The following PPM1D variants were observed in gnomAD, a reference collection of about 807,000 sequenced individuals.
PPM1D encodes protein phosphatase 1D.
PPM1D carries 52 observed loss-of-function variants against 58.3 expected under a neutral mutation model. That is an observed-to-expected ratio of 0.89 (90% CI 0.71 to 1.12). PPM1D has a LOEUF of 1.12. Ranked by LOEUF, PPM1D falls within the 50% of genes most tolerant of loss-of-function variation. PPM1D has a pLI of 0.00. For missense variants in PPM1D, 564 were observed against 777.2 expected, an observed-to-expected ratio of 0.73 and a Z score of 3.26; for synonymous variants, 278 against 285.1, an observed-to-expected ratio of 0.98 and a Z score of 0.25.
Position 60,666,060 on chromosome 17 carries a change from G to A in PPM1D, c.*2508G>A, listed in dbSNP as rs2031612065. The A allele has an allele frequency of 6.6e-6, 1 of 152,160 alleles. No homozygotes were observed. The highest frequency in any genetic ancestry group is 1.5e-5 in the Non-Finnish European group (1 of 68,026). The allele number at this position is 152,160 out of a possible 1,614,324, so 9.4% of individuals were successfully genotyped here. ...TTCTAGGAGGTGGGCATTTTTAAGT[G>A]TCATCTGGAAGGAGGCTGTCACAAC... is the stretch of plus-strand genomic sequence containing the variant. On this transcript the variant is annotated 3_prime_UTR_variant, in exon 6 of 6. Transcript: ENST00000305921.
intron 1 of PPM1D, among the ~76,000 whole-genome samples, chr17:60,614,124 C>A (rs994935723): frequency 8.6e-5 from 13 of 152,036 alleles, no homozygotes; most frequent in African/African-American, 2.9e-4. Flanking sequence ...ACTTGGAGAA[C>A]CTTTATGTCT....
At chr17:60,605,474 G>T (rs1312593814) in intron 1 of PPM1D, among the ~76,000 whole-genome samples, 4 of 152,286 alleles carry the variant, frequency 2.6e-5, no homozygotes, top group Non-Finnish European at 2.9e-5. Flanking sequence ...ATAATACCTT[G>T]CCCAAAGTAG....
At chr17:60,631,464 C>T (rs1423386928) in intron 2 of PPM1D, among the ~76,000 whole-genome samples, 1 of 152,002 alleles carries the variant, frequency 6.6e-6, no homozygotes, top group Non-Finnish European at 1.5e-5. Flanking sequence ...TATGGTTAAA[C>T]CCCGTCTCTA....
chr17:60,657,621 G>A (rs372651896), intron 5 of PPM1D, among the ~76,000 whole-genome samples: 2 of 152,174 alleles, frequency 1.3e-5, no homozygotes, highest in Admixed American at 6.5e-5. Context: ...AATTTTGGGC[G>A]TCGTAATCCT....
chr17:60,639,155 A>G (rs1387284943), intron 3 of PPM1D, among the ~76,000 whole-genome samples: 1 of 152,072 alleles, frequency 6.6e-6, no homozygotes, highest in Non-Finnish European at 1.5e-5. Context: ...TTTTCTTGTC[A>G]TCCAGGCTGG....
At chr17:60,627,795 T>C (rs1293421515) in intron 2 of PPM1D, among the ~76,000 whole-genome samples, 3 of 152,180 alleles carry the variant, frequency 2.0e-5, no homozygotes, top group Admixed American at 2.0e-4. Flanking sequence ...AATGATAGTT[T>C]CTTAAGGTAT....
intron 4 of PPM1D, among the ~76,000 whole-genome samples, chr17:60,648,485 C>T (rs1327627835): frequency 2.0e-5 from 3 of 149,998 alleles, no homozygotes; most frequent in East Asian, 2.0e-4. Context: ...CCTGAGTTCA[C>T]GCCGTTCTCC....
intron 1 of PPM1D, among the ~76,000 whole-genome samples, chr17:60,611,897 C>G (rs1174175443): frequency 6.6e-6 from 1 of 151,940 alleles, no homozygotes; most frequent in Admixed American, 6.6e-5. Context: ...CTATTGTGTT[C>G]TCTTCTAAGA....
chr17:60,622,909 C>T (rs963380091), intron 1 of PPM1D, among the ~76,000 whole-genome samples: 4 of 152,148 alleles, frequency 2.6e-5, no homozygotes, highest in Non-Finnish European at 5.9e-5. Flanking sequence ...CCAGCCTGAC[C>T]AACATGGCGA....
intron 4 of PPM1D, among the ~76,000 whole-genome samples, 175 bp from the exon 5 acceptor site, chr17:60,656,424 G>C (rs1033475526): frequency 1.3e-5 from 2 of 149,856 alleles, no homozygotes; most frequent in African/African-American, 4.9e-5. Context: ...CTGCACTTCA[G>C]CCTGGGTGAC....
intron 3 of PPM1D, among the ~76,000 whole-genome samples, chr17:60,645,456 A>ATC: frequency 8.1e-6 from 1 of 123,940 alleles, no homozygotes; most frequent in South Asian, 2.6e-4. Context: ...TAAAATATAT[A>ATC]TGTGTGTGTG....
intron 1 of PPM1D, among the ~76,000 whole-genome samples, chr17:60,606,548 C>T (rs530833873): frequency 6.6e-6 from 1 of 152,104 alleles, no homozygotes; most frequent in South Asian, 2.1e-4. Flanking sequence ...CATATTCTAA[C>T]GCTTGTTAAC....
chr17:60,624,074 CTT>C (rs1178475026), intron 2 of PPM1D, among the ~76,000 whole-genome samples: 1 of 152,152 alleles, frequency 6.6e-6, no homozygotes, highest in Non-Finnish European at 1.5e-5. Context: ...GAGTAGAACA[CTT>C]TGAATCTGGC....
chr17:60,613,102 C>G (rs1369108623), intron 1 of PPM1D, among the ~76,000 whole-genome samples: 1 of 152,092 alleles, frequency 6.6e-6, no homozygotes, highest in Non-Finnish European at 1.5e-5. Flanking sequence ...GTTGATATTC[C>G]ATTCAGTCTG....
chr17:60,637,783 T>C (rs1221449068), intron 3 of PPM1D, among the ~76,000 whole-genome samples: 3 of 151,788 alleles, frequency 2.0e-5, no homozygotes, highest in African/African-American at 7.3e-5. Context: ...TGGATTAAAA[T>C]TAAAAAAAAA....
chr17:60,658,203 T>A (rs1051516970), intron 5 of PPM1D, among the ~76,000 whole-genome samples: 1 of 152,194 alleles, frequency 6.6e-6, no homozygotes, highest in Non-Finnish European at 1.5e-5. Flanking sequence ...CATGTTCCCT[T>A]ATAACTGACC....
At chr17:60,615,952 A>G (rs184787177) in intron 1 of PPM1D, among the ~76,000 whole-genome samples, 70 of 152,194 alleles carry the variant, frequency 4.6e-4, no homozygotes, top group African/African-American at 1.3e-3. Context: ...CAGCCTCACA[A>G]GTAGCTGGGA....
intron 1 of PPM1D, among the ~76,000 whole-genome samples, chr17:60,621,209 C>T (rs1287115901): frequency 6.6e-6 from 1 of 152,248 alleles, no homozygotes; most frequent in East Asian, 1.9e-4. Context: ...ATGTGTGAGC[C>T]ACCGCATCCG....
rs2031446828 is a variant in PPM1D at position 60,656,752 on chromosome 17, T to C, written c.1171T>C (p.Leu391=). The C allele has an allele frequency of 6.2e-7, 1 of 1,614,026 alleles. No homozygotes were observed. The highest frequency in any genetic ancestry group is 8.5e-7 in the Non-Finnish European group (1 of 1,180,036). The change falls in exon 5 of 6, where the codon TTA becomes CTA. Residue 391 remains leucine (L), a synonymous_variant. Coordinates refer to ENST00000305921, the MANE Select transcript of PPM1D (RefSeq NM_003620.4). ...GGGAAACTTTACCAATGAAGATGAG[T>C]TATACCTGAACCTGACTGACAGCCC... The part of the protein sequence containing the change: ...NQGNFTNEDE[L]YLNLTDSPSY...
Sources: gnomAD v4.1 joint callset for allele counts (sites outside exome capture counted in the v4.1 genomes callset) on GRCh38, gnomAD v4.1.1 for gene constraint, MANE v1.5 for transcripts, NCBI Gene and HGNC (gene_info 2026-07-23, HGNC 2026-07-21) for gene names.